The following ACOXL variants were observed in gnomAD, a reference collection of about 807,000 sequenced individuals.
ACOXL encodes the protein acyl-CoA oxidase like, also known as acyl-coenzyme A oxidase-like protein.
ACOXL carries 70 observed loss-of-function variants against 71.9 expected under a neutral mutation model. The ratio of observed to expected loss-of-function variants is 0.97; its 90% CI spans 0.80 to 1.19. The LOEUF (loss-of-function observed/expected upper bound fraction) is 1.19. Among genes scored for constraint, ACOXL ranks in the 50% most tolerant of loss-of-function variants. The pLI is 0.00. For synonymous variants in ACOXL, 253 were observed against 281.6 expected (o/e 0.90, Z 1.02); for missense variants, 703 against 736.3 (o/e 0.95, Z 0.52).
intron 1 of ACOXL, among the ~76,000 whole-genome samples, chr2:110,753,428 G>T (rs1431564185): frequency 6.6e-6 from 1 of 152,170 alleles, no homozygotes; most frequent in East Asian, 1.9e-4. Context: ...TCTCCAGGTG[G>T]ACTATTTATA....
At chr2:110,778,791 G>A (rs1258980165) in intron 2 of ACOXL, among the ~76,000 whole-genome samples, 1 of 152,262 alleles carries the variant, frequency 6.6e-6, no homozygotes, top group East Asian at 1.9e-4. Context: ...TAGTCATGTG[G>A]TATATTTATC....
In ACOXL at chr2:110,967,588, AT is replaced by A. The variant is rs2061988374; in HGVS notation, c.1060-19515del. 2.0e-5 allele frequency among the ~76,000 whole-genome samples: 3 copies of A among 152,238 alleles called. No homozygotes were observed. The South Asian group carries it at 6.2e-4, about 32-fold the overall frequency. On this transcript the variant is annotated intron_variant, in intron 12 of 17. Transcript: ENST00000439055. ...TAGACTGTGATGAGATATATTACAA[AT>A]TTTTACATGTAAATAATAAGACTAT...
chr2:110,785,161 A>G (rs895902709), intron 3 of ACOXL, among the ~76,000 whole-genome samples: 1 of 152,206 alleles, frequency 6.6e-6, no homozygotes, highest in Non-Finnish European at 1.5e-5. Context: ...TCCTGTATTC[A>G]TTAAATTTTA....
chr2:110,862,706 A>G (rs1368358728), intron 10 of ACOXL, among the ~76,000 whole-genome samples: 3 of 152,182 alleles, frequency 2.0e-5, no homozygotes, highest in South Asian at 2.1e-4. Context: ...GCCCCGGCGA[A>G]TCACCCCCTG....
At chr2:110,894,266 T>C (rs1041844144) in intron 10 of ACOXL, among the ~76,000 whole-genome samples, 2 of 151,512 alleles carry the variant, frequency 1.3e-5, no homozygotes, top group African/African-American at 4.9e-5. Context: ...GTTTTCTTTT[T>C]GTCTTATTTT....
chr2:111,082,619 T>C (rs1357861970), intron 16 of ACOXL, among the ~76,000 whole-genome samples: 1 of 152,132 alleles, frequency 6.6e-6, no homozygotes, highest in African/African-American at 2.4e-5. Flanking sequence ...CCGTGGTGAT[T>C]TCTGGTTCTA....
At chr2:111,083,490 A>AAC (rs1483104099) in intron 16 of ACOXL, among the ~76,000 whole-genome samples, 2 of 152,172 alleles carry the variant, frequency 1.3e-5, no homozygotes, top group Non-Finnish European at 2.9e-5. Flanking sequence ...TAATTCTCCC[A>AAC]ACAATGATGT....
chr2:110,921,634 C>T (rs893310754), intron 11 of ACOXL, among the ~76,000 whole-genome samples: 1 of 152,132 alleles, frequency 6.6e-6, no homozygotes, highest in Non-Finnish European at 1.5e-5. Flanking sequence ...ACCTCGTGAT[C>T]TGCCCGCCTT....
At chr2:110,962,519 G>A (rs1319128421) in intron 12 of ACOXL, among the ~76,000 whole-genome samples, 1 of 152,220 alleles carries the variant, frequency 6.6e-6, no homozygotes, top group Non-Finnish European at 1.5e-5. Flanking sequence ...GGAGATGAGG[G>A]AAAGGTGGCC....
intron 11 of ACOXL, among the ~76,000 whole-genome samples, chr2:110,919,760 C>T (rs141309428): frequency 1.1e-3 from 160 of 152,288 alleles, no homozygotes; most frequent in Non-Finnish European, 2.1e-3. Context: ...CTGTATTTTA[C>T]ACCTATAGTT....
intron 16 of ACOXL, among the ~76,000 whole-genome samples, chr2:111,066,621 T>G (rs774850411): frequency 2.0e-5 from 3 of 152,150 alleles, no homozygotes; most frequent in Non-Finnish European, 4.4e-5. Flanking sequence ...ATAGAAAAAT[T>G]CATTTAATTA....
intron 7 of ACOXL, among the ~76,000 whole-genome samples, chr2:110,799,364 C>T (rs1224501676): frequency 2.6e-5 from 4 of 152,182 alleles, no homozygotes. Context: ...GTTTTGCCCA[C>T]AATCCTGTTT....
In ACOXL at chr2:111,055,229, G is replaced by A. The variant is rs369225764; in HGVS notation, c.1440+5941G>A. On this transcript the variant is annotated intron_variant, in intron 16 of 17. Coordinates refer to ENST00000439055, the MANE Select transcript of ACOXL (RefSeq NM_001142807.4). ...CGCCTTTGGTTCTCGTAAGGTGCTC[G>A]CCACGGCAACCCAAGTGTCTAAGCA... 5.9e-5 allele frequency among the ~76,000 whole-genome samples: 9 copies of A among 152,252 alleles called. No individual in the cohort carries two copies. In the South Asian group the frequency reaches 1.0e-3, roughly 18 times the overall value.
intron 15 of ACOXL, 83 bp downstream of exon 15, chr2:111,031,797 G>T: frequency 7.2e-7 from 1 of 1,388,856 alleles, no homozygotes; most frequent in Non-Finnish European, 1.0e-6. Flanking sequence ...GCAGGGAAAG[G>T]ACAGTCCCAA....
At chr2:110,985,814 G>A (rs1019033737) in intron 12 of ACOXL, among the ~76,000 whole-genome samples, 1 of 152,180 alleles carries the variant, frequency 6.6e-6, no homozygotes, top group Admixed American at 6.5e-5. Flanking sequence ...ACAGGACACG[G>A]GGTATGGCAC....
chr2:110,770,627 T>A (rs1396064663), intron 2 of ACOXL, among the ~76,000 whole-genome samples: 1 of 152,150 alleles, frequency 6.6e-6, no homozygotes, highest in Non-Finnish European at 1.5e-5. Flanking sequence ...GGAAATTGCC[T>A]CTTGATGGAG....
intron 9 of ACOXL, among the ~76,000 whole-genome samples, chr2:110,829,605 G>A (rs575019005): frequency 8.5e-5 from 13 of 152,292 alleles, no homozygotes; most frequent in South Asian, 6.2e-4. Flanking sequence ...TCTTCTCTGC[G>A]TCACAGTGAC....
chr2:110,832,993 T>A (rs1009016642), intron 9 of ACOXL, among the ~76,000 whole-genome samples: 1 of 152,204 alleles, frequency 6.6e-6, no homozygotes, highest in Admixed American at 6.5e-5. Flanking sequence ...ATCAAGACTT[T>A]GGAAAACAGG....
intron 14 of ACOXL, chr2:111,018,009 G>A (rs1007806891): frequency 5.9e-5 from 9 of 151,950 alleles, no homozygotes; most frequent in Non-Finnish European, 1.2e-4. Context: ...CCTTAGTTAC[G>A]GTAAAATACA....
Sources: allele counts gnomAD v4.1 joint callset (sites outside exome capture counted in the v4.1 genomes callset), GRCh38; gene constraint gnomAD v4.1.1; transcripts MANE v1.5; gene names NCBI Gene and HGNC (gene_info 2026-07-23, HGNC 2026-07-21).